Variants in MERTK observed in about 807,000 individuals in gnomAD.
MERTK encodes the protein tyrosine-protein kinase Mer.
A neutral mutation model predicts 99.3 loss-of-function variants in MERTK; 69 were observed. The ratio of observed to expected loss-of-function variants is 0.70; its 90% CI spans 0.57 to 0.85. MERTK has a LOEUF of 0.85. Among genes scored for constraint, MERTK ranks in the 40% least tolerant of loss-of-function variants. MERTK has a pLI of 0.00. For synonymous variants in MERTK, 426 were observed against 467.6 expected, an observed-to-expected ratio of 0.91 and a Z score of 1.15; for missense variants, 1,125 against 1,249.4, an observed-to-expected ratio of 0.90 and a Z score of 1.50.
intron 1 of MERTK, among the ~76,000 whole-genome samples, chr2:111,915,357 C>CT (rs532045305): frequency 5.5e-4 from 82 of 148,336 alleles, no homozygotes; most frequent in Middle Eastern, 3.5e-3. Context: ...TTCTGTATTG[C>CT]TTTTTTTTTC....
At chr2:111,965,583 C>T (rs1298402998) in intron 5 of MERTK, among the ~76,000 whole-genome samples, 2 of 152,334 alleles carry the variant, frequency 1.3e-5, no homozygotes, top group South Asian at 2.1e-4. Context: ...AAGAAGAAAA[C>T]AAGCTAAAAT....
intron 4 of MERTK, among the ~76,000 whole-genome samples, chr2:111,950,375 A>T (rs1318237086): frequency 6.6e-6 from 1 of 152,234 alleles, no homozygotes; most frequent in Admixed American, 6.5e-5. Flanking sequence ...ATTTGAGTGC[A>T]AGTCTTTTGG....
At chr2:111,928,394 T>A (rs577202076) in intron 1 of MERTK, among the ~76,000 whole-genome samples, 1 of 151,700 alleles carries the variant, frequency 6.6e-6, no homozygotes, top group South Asian at 2.1e-4. Context: ...TCTGGCTAAT[T>A]TTTGGGGTGG....
At chr2:112,011,693 G>A (rs1677108750) in intron 15 of MERTK, among the ~76,000 whole-genome samples, 1 of 152,210 alleles carries the variant, frequency 6.6e-6, no homozygotes, top group Non-Finnish European at 1.5e-5. Context: ...TGAGGTTGCA[G>A]TGAGCCAAGA....
chr2:111,936,715 C>G (rs911769695), intron 2 of MERTK, among the ~76,000 whole-genome samples: 1 of 152,148 alleles, frequency 6.6e-6, no homozygotes, highest in Non-Finnish European at 1.5e-5. Context: ...TGGGCCTCCT[C>G]CTTGGTGCTG....
At chr2:111,983,736 CTG>C (rs1488546122) in intron 8 of MERTK, among the ~76,000 whole-genome samples, 1 of 152,210 alleles carries the variant, frequency 6.6e-6, no homozygotes, top group African/African-American at 2.4e-5. Context: ...AGCTGATCCT[CTG>C]TGCAGTTGCA....
At chr2:111,985,701 C>T (rs1676465594) in intron 8 of MERTK, among the ~76,000 whole-genome samples, 1 of 152,076 alleles carries the variant, frequency 6.6e-6, no homozygotes, top group Non-Finnish European at 1.5e-5. Context: ...CAGGGGAACT[C>T]CCCTTTATAA....
At chr2:111,926,337 C>A (rs912299715) in intron 1 of MERTK, among the ~76,000 whole-genome samples, 1 of 152,018 alleles carries the variant, frequency 6.6e-6, no homozygotes, top group African/African-American at 2.4e-5. Context: ...TGGATTAAAC[C>A]CCTAACTCCT....
chr2:111,963,570 G>A (rs1250963983), intron 4 of MERTK, among the ~76,000 whole-genome samples: 2 of 130,800 alleles, frequency 1.5e-5, no homozygotes, highest in Admixed American at 7.7e-5. Context: ...GACTCTTAAC[G>A]AGCATGCTGC....
chr2:112,016,651 G>A (rs1334641030), intron 15 of MERTK, among the ~76,000 whole-genome samples: 1 of 152,224 alleles, frequency 6.6e-6, no homozygotes, highest in Admixed American at 6.5e-5. Flanking sequence ...ACAGGTAGAT[G>A]ATGAGACATG....
chr2:112,001,497 TG>T (rs557753915), intron 11 of MERTK, among the ~76,000 whole-genome samples: 1 of 152,192 alleles, frequency 6.6e-6, no homozygotes, highest in Non-Finnish European at 1.5e-5. Flanking sequence ...GAGCTTGACC[TG>T]GGGTTAAAAG....
At chr2:111,973,209 C>A (rs1211688642) in intron 6 of MERTK, among the ~76,000 whole-genome samples, 3 of 152,160 alleles carry the variant, frequency 2.0e-5, no homozygotes, top group Admixed American at 6.5e-5. Flanking sequence ...TGTCCCTGAG[C>A]CTGGAAGTGC....
rs570316561 is a variant in MERTK at position 111,914,342 on chromosome 2, A to G, written c.62-14778A>G. On this transcript the variant is annotated intron_variant, in intron 1 of 18. Coordinates refer to ENST00000295408, the MANE Select transcript of MERTK (RefSeq NM_006343.3). Reference sequence around the variant, plus strand: ...GCCCAGGCTGGAGTGCAATGGTGCAATCACGGCTCACTGCAAGCTCTGCCT... The same window carrying G: ...GCCCAGGCTGGAGTGCAATGGTGCAGTCACGGCTCACTGCAAGCTCTGCCT... Among the ~76,000 whole-genome samples the G allele has an allele frequency of 3.3e-5, 5 of 152,166 alleles. No homozygotes were observed. The South Asian group carries it at 6.2e-4, about 19-fold the overall frequency.
At chr2:111,911,917 G>A (rs1297123670) in intron 1 of MERTK, among the ~76,000 whole-genome samples, 2 of 151,800 alleles carry the variant, frequency 1.3e-5, no homozygotes, top group Admixed American at 6.6e-5. Context: ...TCTAACTCCT[G>A]GGGTCAAGTG....
chr2:111,995,603 T>G (rs927322333), intron 9 of MERTK: 1 of 188,330 alleles, frequency 5.3e-6, no homozygotes, highest in Non-Finnish European at 1.1e-5. Context: ...TGGGAAACAT[T>G]AGTAACTGGT....
chr2:111,910,554 GCCAC>G (rs1245992415), intron 1 of MERTK, among the ~76,000 whole-genome samples: 28 of 151,610 alleles, frequency 1.8e-4, no homozygotes, highest in East Asian at 1.2e-3. Context: ...ACAGGCATGA[GCCAC>G]CTCACCCGGC....
chr2:112,004,298 A>T (rs1375165860), intron 13 of MERTK, among the ~76,000 whole-genome samples: 1 of 151,980 alleles, frequency 6.6e-6, no homozygotes, highest in Non-Finnish European at 1.5e-5. Flanking sequence ...TAACAACTCC[A>T]AAGTAGAGCA....
intron 8 of MERTK, among the ~76,000 whole-genome samples, chr2:111,991,423 G>A (rs1268379856): frequency 1.3e-5 from 2 of 152,042 alleles, no homozygotes; most frequent in South Asian, 2.1e-4. Flanking sequence ...ATGGAGTTTT[G>A]CCATGTTGGC....
chr2:111,987,931 T>G (rs568641740), intron 8 of MERTK, among the ~76,000 whole-genome samples: 1 of 152,106 alleles, frequency 6.6e-6, no homozygotes, highest in Non-Finnish European at 1.5e-5. Context: ...GTATAGATCT[T>G]GGAAGTCTCA....
Sources: allele counts gnomAD v4.1 joint callset (sites outside exome capture counted in the v4.1 genomes callset), GRCh38; gene constraint gnomAD v4.1.1; transcripts MANE v1.5; gene names NCBI Gene and HGNC (gene_info 2026-07-23, HGNC 2026-07-21).